SLC12A4: variants seen among roughly 807,000 people sequenced by gnomAD.
The protein encoded by SLC12A4 is solute carrier family 12 member 4, also known as electroneutral potassium-chloride cotransporter 1.
A neutral mutation model predicts 119.2 loss-of-function variants in SLC12A4; 84 were observed. That is an observed-to-expected ratio of 0.70 (90% confidence interval 0.59 to 0.85). The LOEUF (loss-of-function observed/expected upper bound fraction) is 0.85. SLC12A4 is among the 40% of genes least tolerant of loss of function. The pLI is 0.00. For missense variants in SLC12A4, 1,298 were observed against 1,476.3 expected (o/e 0.88, Z 1.98); for synonymous variants, 599 against 604.6 (o/e 0.99, Z 0.14).
chr16:67,948,094 G>A lies in SLC12A4; in HGVS notation c.1814C>T (p.Pro605Leu), dbSNP rs1343873273. ...ACAVQTLLRT[P>L]NWRPRFKYYH... Reference sequence around the variant, plus strand: ...GTACTTGAACCGGGGCCGCCAGTTGGGGGTCCTCAGGAGTGTCTGCACCGC... The same window carrying A: ...GTACTTGAACCGGGGCCGCCAGTTGAGGGTCCTCAGGAGTGTCTGCACCGC... The change falls in exon 14 of 24, where the codon CCC (proline) becomes CTC (leucine). Residue 605 changes from proline (P) to leucine (L), a missense_variant. Coordinates refer to ENST00000316341, the MANE Select transcript of SLC12A4 (RefSeq NM_005072.5). 6.2e-7 allele frequency: 1 copy of A among 1,613,242 alleles called. No individual in the cohort carries two copies. Among genetic ancestry groups the A allele is most frequent in the South Asian group, 1.1e-5 (1 of 91,088 alleles).
chr16:67,967,596 T>G (rs1250005178), intron 1 of SLC12A4, among the ~76,000 whole-genome samples: 1 of 151,530 alleles, frequency 6.6e-6, no homozygotes, highest in African/African-American at 2.4e-5. Flanking sequence ...CCTCCTGGGG[T>G]AGGAGATAGA....
Position 67,951,053 on chromosome 16 carries a change from C to T in SLC12A4, c.1305G>A (p.Met435Ile). The change falls in exon 10 of 24, where the codon ATG becomes ATA. Residue 435 changes from methionine (M) to isoleucine (I), a missense_variant. By Grantham distance (10) the Met-to-Ile change is conservative. Coordinates refer to ENST00000316341, the MANE Select transcript of SLC12A4 (RefSeq NM_005072.5). This position sits in a 1 kb window ranked among gnomAD's most constrained non-coding sequence, Gnocchi z 5.2. ...GIFFPSVTGI[M>I]AGSNRSGDLR... ...GGTCCCCAGAGCGGTTTGAGCCAGC[C>T]ATGATGCCTCCAAAAACAGATGAGA... The T allele has an allele frequency of 6.2e-7, 1 of 1,614,020 alleles. No individual in the cohort carries two copies. The highest frequency in any genetic ancestry group is 1.7e-5 in the Admixed American group (1 of 60,022).
chr16:67,964,200 G>C (rs1425291725), intron 1 of SLC12A4: 1 of 1,074,042 alleles, frequency 9.3e-7, no homozygotes, highest in Non-Finnish European at 1.3e-6. Context: ...GTGTCGGACT[G>C]AGCAGGGAGA....
At chr16:67,952,541 TG>T (rs1795551093) in intron 6 of SLC12A4, 116 bp from the exon 7 acceptor site, 5 of 1,134,916 alleles carry the variant, frequency 4.4e-6, no homozygotes, top group Non-Finnish European at 6.5e-6. Context: ...GGCTCACGCC[TG>T]TAATCCCAGC....
chr16:67,958,957 G>A lies in SLC12A4; in HGVS notation c.343-913C>T, dbSNP rs537113555. On this transcript the variant is annotated intron_variant, in intron 3 of 23. Transcript: ENST00000316341. Reference sequence around the variant, plus strand: ...ACTACAGGTCATGGTAACAGAATGTGCTTGTATATTTTGTTACTATATTAG... The same window carrying A: ...ACTACAGGTCATGGTAACAGAATGTACTTGTATATTTTGTTACTATATTAG... Among the ~76,000 whole-genome samples, 4 of 152,186 alleles carry A rather than the reference G, an allele frequency of 2.6e-5. No individual in the cohort carries two copies. In the East Asian group the frequency reaches 7.8e-4, roughly 30 times the overall value.
intron 3 of SLC12A4, among the ~76,000 whole-genome samples, chr16:67,958,757 C>T (rs1406253729): frequency 1.3e-5 from 2 of 152,072 alleles, no homozygotes; most frequent in African/African-American, 4.8e-5. Flanking sequence ...TCAGATTCTG[C>T]GAACCTGAGA....
intron 19 of SLC12A4, 25 bp downstream of exon 19, chr16:67,946,146 C>A: frequency 6.2e-7 from 1 of 1,613,698 alleles, no homozygotes; most frequent in East Asian, 2.2e-5. Context: ...TAGCCCCTCT[C>A]ATCTGCACCC....
intron 17 of SLC12A4, 110 bp downstream of exon 17, chr16:67,946,827 T>C: frequency 7.4e-7 from 1 of 1,346,278 alleles, no homozygotes; most frequent in South Asian, 1.4e-5. Context: ...GTGGCAGCAG[T>C]GCTGGCTGCC....
At chr16:67,956,837 T>G (rs533845967) in intron 5 of SLC12A4, among the ~76,000 whole-genome samples, 3 of 150,920 alleles carry the variant, frequency 2.0e-5, no homozygotes, top group Non-Finnish European at 4.4e-5. Context: ...CACACACATA[T>G]ATATATATAT....
At chr16:67,947,871 C>A in intron 14 of SLC12A4, 83 bp from the exon 15 acceptor site, 1 of 1,525,014 alleles carries the variant, frequency 6.6e-7, no homozygotes, top group Non-Finnish European at 8.8e-7. Context: ...GTAGCCCTGT[C>A]AGGTCCCGGG....
At chr16:67,960,898 T>C (rs1293298998) in intron 3 of SLC12A4, among the ~76,000 whole-genome samples, 1 of 151,972 alleles carries the variant, frequency 6.6e-6, no homozygotes, top group African/African-American at 2.4e-5. Context: ...ACATGTCCCC[T>C]GACACTGGCA....
Position 67,951,129 on chromosome 16 carries a change from G to A in SLC12A4, c.1297+11C>T, listed in dbSNP as rs1388055460. ...GGGACAGGGCTGGGTGGGTAGGCAG[G>A]CAGGGCTCACCTGTTACAGAAGGGA... On this transcript the variant is annotated intron_variant, in intron 9 of 23. Coordinates refer to ENST00000316341, the MANE Select transcript of SLC12A4 (RefSeq NM_005072.5). The surrounding 1 kb of genome is among the most constrained non-coding windows in gnomAD (Gnocchi z 5.2). 3 of 1,613,792 alleles carry A rather than the reference G, an allele frequency of 1.9e-6. No homozygotes were observed. The highest frequency in any genetic ancestry group is 2.5e-6 in the Non-Finnish European group (3 of 1,179,766).
intron 1 of SLC12A4, 50 bp downstream of exon 1, chr16:67,968,389 G>C: frequency 6.8e-7 from 1 of 1,479,126 alleles, no homozygotes; most frequent in Non-Finnish European, 9.0e-7. Context: ...TGGCGGCCCC[G>C]GGTGGCAGGC....
At position 67,958,060 on chromosome 16, in the gene SLC12A4, G is replaced by C; in HGVS notation, c.343-16C>G. 6.2e-7 allele frequency: 1 copy of C among 1,611,796 alleles called. No homozygotes were observed. Among genetic ancestry groups the C allele is most frequent in the South Asian group, 1.1e-5 (1 of 90,816 alleles). On this transcript the variant is annotated splice_polypyrimidine_tract_variant and intron_variant, in intron 3 of 23. Transcript: ENST00000316341. Reference sequence around the variant, plus strand: ...TGCTGGGTGCCTATGCGAACACAAAGGGAGGGGGCGAGTAGAGCATCAGAG... The same window carrying C: ...TGCTGGGTGCCTATGCGAACACAAACGGAGGGGGCGAGTAGAGCATCAGAG...
At position 67,968,601 on chromosome 16, in the gene SLC12A4, T is replaced by C. The variant is rs766070988; in HGVS notation, c.-48A>G. The C allele has an allele frequency of 7.3e-7, 1 of 1,378,914 alleles. No homozygotes were observed. The allele number at this position is 1,378,914 out of a possible 1,614,324, so 85.4% of individuals were successfully genotyped here. ...ACCCGCCGTCCCAGCCGCCCGCCGC[T>C]GTCCCCGCCGCTGTCCCCGCCGCCC... On this transcript the variant is annotated 5_prime_UTR_variant, in exon 1 of 24. Transcript: ENST00000316341.
intron 5 of SLC12A4, chr16:67,957,396 C>CGGGGG: frequency 4.0e-6 from 1 of 248,978 alleles, no homozygotes; most frequent in South Asian, 4.6e-5. Flanking sequence ...GTCTCGATCT[C>CGGGGG]CTGCCCTTGT....
Position 67,954,793 on chromosome 16 carries a change from G to A in SLC12A4, c.545-20C>T, listed in dbSNP as rs370425023. 6.9e-5 allele frequency: 111 copies of A among 1,614,004 alleles called. No individual in the cohort carries two copies. Among genetic ancestry groups the A allele is most frequent in the Admixed American group, 2.3e-4 (14 of 59,998 alleles). ...CCCCAGCTACAGCAGAGAAATGAAA[G>A]TGTGCACAGGTCAAGGCTGGTTCTT... On this transcript the variant is annotated intron_variant, in intron 5 of 23. Transcript: ENST00000316341.
At position 67,951,126 on chromosome 16, in the gene SLC12A4, C is replaced by G. The variant is rs1350452789; in HGVS notation, c.1297+14G>C. 1.2e-6 allele frequency: 2 copies of G among 1,613,546 alleles called. No individual in the cohort carries two copies. The highest frequency in any genetic ancestry group is 2.7e-5 in the African/African-American group (2 of 74,906). On this transcript the variant is annotated intron_variant, in intron 9 of 23. Coordinates refer to ENST00000316341, the MANE Select transcript of SLC12A4 (RefSeq NM_005072.5). This position sits in a 1 kb window ranked among gnomAD's most constrained non-coding sequence, Gnocchi z 5.2. ...TTGGGGACAGGGCTGGGTGGGTAGG[C>G]AGGCAGGGCTCACCTGTTACAGAAG...
At chr16:67,963,388 G>T in intron 2 of SLC12A4, 77 bp downstream of exon 2, 2 of 868,406 alleles carry the variant, frequency 2.3e-6, no homozygotes, top group Non-Finnish European at 3.6e-6. Flanking sequence ...GACAGAGGAG[G>T]CCCACGTGTC....
Sources: gnomAD v4.1 joint callset for allele counts (sites outside exome capture counted in the v4.1 genomes callset) on GRCh38, gnomAD v4.1.1 for gene constraint, Gnocchi (gnomAD v3.1) non-coding constraint, MANE v1.5 for transcripts, NCBI Gene and HGNC (gene_info 2026-07-23, HGNC 2026-07-21) for gene names.